Variants in SGMS1 observed in about 807,000 individuals in gnomAD.
SGMS1 encodes sphingomyelin synthase 1, also known as phosphatidylcholine:ceramide cholinephosphotransferase 1.
A neutral mutation model predicts 46.2 loss-of-function variants in SGMS1; 13 were observed. The ratio of observed to expected loss-of-function variants is 0.28; its 90% CI spans 0.18 to 0.45. The LOEUF is 0.45. Among genes scored for constraint, SGMS1 ranks in the 20% least tolerant of loss-of-function variants. The probability of loss-of-function intolerance (pLI) is 1.00; values close to 1 mark genes in which losing one functional copy is unlikely to be tolerated. For synonymous variants in SGMS1, 203 were observed against 187.8 expected, an observed-to-expected ratio of 1.08 and a Z score of -0.66; for missense variants, 324 against 519.9, an observed-to-expected ratio of 0.62 and a Z score of 3.66.
intron 6 of SGMS1, among the ~76,000 whole-genome samples, chr10:50,379,262 C>G (rs559366532): frequency 6.6e-6 from 1 of 152,236 alleles, no homozygotes; most frequent in Admixed American, 6.5e-5. Flanking sequence ...CCAAAAGCAC[C>G]TAAATATCCT....
At chr10:50,426,952 C>G (rs1849333742) in intron 6 of SGMS1, among the ~76,000 whole-genome samples, 1 of 152,110 alleles carries the variant, frequency 6.6e-6, no homozygotes, top group Non-Finnish European at 1.5e-5. Context: ...ACAATGAACT[C>G]CATTTCATAC....
chr10:50,503,304 C>A (rs775959536), intron 3 of SGMS1, among the ~76,000 whole-genome samples: 5 of 152,176 alleles, frequency 3.3e-5, no homozygotes, highest in Non-Finnish European at 7.3e-5. Context: ...CGCTAATTGT[C>A]CTAAGTGTAG....
upstream of SGMS1, chr10:50,624,249 T>C (rs141031907): frequency 2.0e-3 from 890 of 447,626 alleles, 14 homozygotes; most frequent in African/African-American, 0.018. Context: ...GGACGGTAAA[T>C]CCCTTGGGGC....
chr10:50,400,645 G>T (rs1848923512), intron 6 of SGMS1, among the ~76,000 whole-genome samples: 1 of 151,674 alleles, frequency 6.6e-6, no homozygotes, highest in Non-Finnish European at 1.5e-5. Flanking sequence ...TACAGACAAG[G>T]TCTTGCTATG....
chr10:50,308,914 A>G (rs1589378826), intron 9 of SGMS1, among the ~76,000 whole-genome samples: 2 of 152,302 alleles, frequency 1.3e-5, no homozygotes, highest in East Asian at 1.9e-4. Flanking sequence ...TGGATTCTCA[A>G]TGGGTCCAAG....
chr10:50,470,268 T>G (rs1283735043), intron 3 of SGMS1, among the ~76,000 whole-genome samples: 2 of 152,186 alleles, frequency 1.3e-5, no homozygotes, highest in African/African-American at 4.8e-5. Flanking sequence ...GAAAACTTTC[T>G]CATTCTTACT....
intron 5 of SGMS1, among the ~76,000 whole-genome samples, chr10:50,454,939 A>T (rs7903503): frequency 0.011 from 1,618 of 152,232 alleles, 35 homozygotes; most frequent in African/African-American, 0.037. Flanking sequence ...AAAAACACTC[A>T]TGCTCTATTT....
chr10:50,624,196 G>T, upstream of SGMS1: 3 of 870,282 alleles, frequency 3.4e-6, no homozygotes, highest in Non-Finnish European at 4.1e-6. Context: ...GTTTTTAGGG[G>T]CCCACTAAGT....
intron 5 of SGMS1, among the ~76,000 whole-genome samples, chr10:50,457,271 A>G (rs546013670): frequency 6.6e-6 from 1 of 152,326 alleles, no homozygotes; most frequent in African/African-American, 2.4e-5. Context: ...CTTCATAGGA[A>G]TAAAAACTGG....
chr10:50,607,844 T>A (rs1250857113), intron 1 of SGMS1, among the ~76,000 whole-genome samples: 1 of 152,154 alleles, frequency 6.6e-6, no homozygotes, highest in Non-Finnish European at 1.5e-5. Flanking sequence ...AAAAGATTAA[T>A]AAGTTGGAAA....
chr10:50,348,266 C>T (rs2133373006), intron 6 of SGMS1, among the ~76,000 whole-genome samples: 1 of 152,234 alleles, frequency 6.6e-6, no homozygotes, highest in Non-Finnish European at 1.5e-5. Flanking sequence ...ACAAGGATGC[C>T]CTCTCTCACC....
intron 1 of SGMS1, among the ~76,000 whole-genome samples, chr10:50,603,096 C>T (rs1397561423): frequency 6.6e-6 from 1 of 152,208 alleles, no homozygotes; most frequent in Non-Finnish European, 1.5e-5. Flanking sequence ...AAAAACATAA[C>T]CACATTCTAA....
intron 4 of SGMS1, among the ~76,000 whole-genome samples, chr10:50,464,837 G>A (rs1837311090): frequency 6.6e-6 from 1 of 152,184 alleles, no homozygotes; most frequent in Non-Finnish European, 1.5e-5. Context: ...AGGGAAGAAG[G>A]GAGAGAGGGA....
rs1179572803 is a variant in SGMS1, at chr10:50,366,847, T to A, written c.-231-22502A>T. Reference sequence around the variant, plus strand: ...GGATAACATTAGGAGAAATATCTAATGTAGGTGATGGGTTGATGGGTGCAG... The same window carrying A: ...GGATAACATTAGGAGAAATATCTAAAGTAGGTGATGGGTTGATGGGTGCAG... On this transcript the variant is annotated intron_variant, in intron 6 of 10. Coordinates refer to ENST00000361781, the MANE Select transcript of SGMS1 (RefSeq NM_147156.4). Among the ~76,000 whole-genome samples the A allele has an allele frequency of 3.9e-5, 6 of 152,246 alleles. 1 individual carries two copies. The highest frequency in any genetic ancestry group is 3.9e-4 in the Admixed American group (6 of 15,302).
chr10:50,526,695 CT>C (rs941246421), intron 2 of SGMS1, among the ~76,000 whole-genome samples: 4 of 152,134 alleles, frequency 2.6e-5, no homozygotes, highest in African/African-American at 9.7e-5. Context: ...CAACTTCTTC[CT>C]GTTATTCAAT....
chr10:50,551,958 G>A (rs1343828103), intron 2 of SGMS1, among the ~76,000 whole-genome samples: 2 of 152,134 alleles, frequency 1.3e-5, no homozygotes, highest in African/African-American at 2.4e-5. Flanking sequence ...TTGTGTAAAA[G>A]CTCAGATTTT....
intron 3 of SGMS1, among the ~76,000 whole-genome samples, chr10:50,475,322 T>C (rs1434028995): frequency 6.6e-6 from 1 of 152,248 alleles, no homozygotes; most frequent in East Asian, 1.9e-4. Context: ...TTTCAGTTTC[T>C]CAAATTTGCC....
At chr10:50,340,041 G>T (rs1847788649) in intron 7 of SGMS1, among the ~76,000 whole-genome samples, 1 of 152,160 alleles carries the variant, frequency 6.6e-6, no homozygotes. Context: ...AAGGAACTGA[G>T]GAGTTCTAGG....
At position 50,361,318 on chromosome 10, in the gene SGMS1, C is replaced by T. The variant is rs114078428; in HGVS notation, c.-231-16973G>A. 3.9e-3 allele frequency among the ~76,000 whole-genome samples: 589 copies of T among 151,310 alleles called. 8 individuals are homozygous for T. Among genetic ancestry groups the T allele is most frequent in the African/African-American group, 0.014 (564 of 41,410 alleles). On this transcript the variant is annotated intron_variant, in intron 6 of 10. Coordinates refer to ENST00000361781, the MANE Select transcript of SGMS1 (RefSeq NM_147156.4). ...CCTGCCCCACCACTCCTTGATCCCTCCTCATCCCTGTCTCTCCTCATACCC... is the reference window on the plus strand; with the variant it reads ...CCTGCCCCACCACTCCTTGATCCCTTCTCATCCCTGTCTCTCCTCATACCC...
Sources: gnomAD v4.1 joint callset for allele counts (sites outside exome capture counted in the v4.1 genomes callset) on GRCh38, gnomAD v4.1.1 for gene constraint, MANE v1.5 for transcripts, NCBI Gene and HGNC (gene_info 2026-07-23, HGNC 2026-07-21) for gene names.